Variants in BTBD6 observed in about 807,000 individuals in gnomAD.
The protein encoded by BTBD6 is BTB/POZ domain-containing protein 6.
Under a neutral mutation model 40.6 loss-of-function variants are expected in BTBD6, and 30 were observed. That is an observed-to-expected ratio of 0.74 (90% CI 0.55 to 1.00). BTBD6 has a LOEUF of 1.00. Ranked by LOEUF, BTBD6 falls within the 50% of genes least tolerant of loss-of-function variation. BTBD6 has a pLI of 0.00. For synonymous variants in BTBD6, 378 were observed against 308.7 expected (o/e 1.22, Z -2.35); for missense variants, 698 against 694.6 (o/e 1.00, Z -0.06).
At position 105,249,296 on chromosome 14, in the gene BTBD6, C is replaced by G; in HGVS notation, c.465+49C>G. 3 of 1,575,790 alleles carry G rather than the reference C, an allele frequency of 1.9e-6. No individual in the cohort carries two copies. In the African/African-American group the frequency reaches 4.0e-5, roughly 21 times the overall value. On this transcript the variant is annotated intron_variant, in intron 2 of 3. Transcript: ENST00000392554. Reference sequence around the variant, plus strand: ...GAACGCGTGCCCCGTCCGCCCCGTCCGCCGTGTGGCTGACACGCAGCCTGC... The same window carrying G: ...GAACGCGTGCCCCGTCCGCCCCGTCGGCCGTGTGGCTGACACGCAGCCTGC...
At chr14:105,249,116 G>A (rs1249006063) in intron 1 of BTBD6, 31 bp downstream of exon 1, 1 of 1,506,350 alleles carries the variant, frequency 6.6e-7, no homozygotes, top group Non-Finnish European at 8.8e-7. Context: ...CCCCGCGCCC[G>A]CGCGCGCCCA....
Position 105,248,564 on chromosome 14 carries a change from C to T in BTBD6, c.-148C>T, listed in dbSNP as rs779801718. On this transcript the variant is annotated 5_prime_UTR_variant, in exon 1 of 4. It adds an upstream start codon to the 5' untranslated region. Coordinates refer to ENST00000392554, the MANE Select transcript of BTBD6 (RefSeq NM_001387567.1). Reference sequence around the variant, plus strand: ...TGACGCACCGGCGCCGCGGCGGGTACGGGCTCGGGCGGGCGGGCGGGCGGG... The same window carrying T: ...TGACGCACCGGCGCCGCGGCGGGTATGGGCTCGGGCGGGCGGGCGGGCGGG... The T allele has an allele frequency of 2.2e-5, 5 of 226,202 alleles. No homozygotes were observed. Among genetic ancestry groups the T allele is most frequent in the Non-Finnish European group, 2.1e-5 (4 of 193,780 alleles). The allele number at this position is 226,202 out of a possible 1,614,324, so 14.0% of individuals were successfully genotyped here.
rs780704000 is a variant in BTBD6, at chr14:105,249,297, G to A, written c.465+50G>A. 1.0e-5 allele frequency: 16 copies of A among 1,576,792 alleles called. No individual in the cohort carries two copies. In the East Asian group the frequency reaches 3.7e-4, roughly 36 times the overall value. On this transcript the variant is annotated intron_variant, in intron 2 of 3. Transcript: ENST00000392554. ...AACGCGTGCCCCGTCCGCCCCGTCC[G>A]CCGTGTGGCTGACACGCAGCCTGCG... is the stretch of plus-strand genomic sequence containing the variant.
rs776540046 is a variant in BTBD6, at chr14:105,249,149, C to A, written c.375-8C>A. 3.2e-6 allele frequency: 5 copies of A among 1,567,948 alleles called. No individual in the cohort carries two copies. Among genetic ancestry groups the A allele is most frequent in the Admixed American group, 1.8e-5 (1 of 55,906 alleles). ...CCACGCCCCCAGCCCGTGCCTCTAC[C>A]TTTGCAGGAACGCGCTCATGTTCAA... On this transcript the variant is annotated splice_region_variant and splice_polypyrimidine_tract_variant and intron_variant, in intron 1 of 3. Transcript: ENST00000392554.
intron 3 of BTBD6, 28 bp from the exon 4 acceptor site, chr14:105,249,612 C>G (rs749355181): frequency 1.3e-6 from 2 of 1,591,254 alleles, no homozygotes; most frequent in Non-Finnish European, 1.7e-6. Context: ...TGGGAGCCAG[C>G]CCCTGACGCG....
Position 105,248,994 on chromosome 14 carries a change from C to A in BTBD6, c.283C>A (p.Pro95Thr), listed in dbSNP as rs895688983. The A allele has an allele frequency of 3.0e-6, 3 of 998,070 alleles. No individual in the cohort carries two copies. The highest frequency in any genetic ancestry group is 9.0e-5 in the South Asian group (2 of 22,192). 61.8% of individuals were successfully genotyped at this position (998,070 alleles called of 1,614,324 possible). ...RSPPSAPAPA[P>T]PPPAPAPPTL... ...CCCGCCCAGCGCCCCCGCGCCAGCG[C>A]CGCCGCCGCCCGCGCCCGCGCCGCC... Residue 95 changes from proline to threonine, a missense_variant, in exon 1 of 4, where the codon CCG (proline) becomes ACG (threonine). Pro to Thr is a conservative substitution (Grantham distance 38). Transcript: ENST00000392554.
chr14:105,248,847 G>A lies in BTBD6; in HGVS notation c.136G>A (p.Ala46Thr), dbSNP rs1595379346. The change falls in exon 1 of 4, where the codon GCC becomes ACC. Residue 46 changes from alanine (A) to threonine (T), a missense_variant. Transcript: ENST00000392554. ...RGAASTGAEAAPAAPPAKMAA... is the reference protein window; with the variant it reads ...RGAASTGAEATPAAPPAKMAA... ...CGCGGCGTCCACAGGCGCCGAGGCT[G>A]CCCCCGCCGCCCCGCCCGCGAAGAT... 1.0e-6 allele frequency: 1 copy of A among 990,406 alleles called. No individual in the cohort carries two copies. The highest frequency in any genetic ancestry group is 1.2e-6 in the Non-Finnish European group (1 of 834,548). 61.4% of individuals were successfully genotyped at this position (990,406 alleles called of 1,614,324 possible).
chr14:105,248,604 G>GC lies in BTBD6; in HGVS notation c.-108_-107insC. 1.0e-6 allele frequency: 1 copy of GC among 973,364 alleles called. No homozygotes were observed. The highest frequency in any genetic ancestry group is 1.2e-6 in the Non-Finnish European group (1 of 822,540). 60.3% of individuals were successfully genotyped at this position (973,364 alleles called of 1,614,324 possible). A position where few individuals can be genotyped will look rare whatever the true frequency, so the allele number is the denominator to read the frequency against. On this transcript the variant is annotated 5_prime_UTR_variant, in exon 1 of 4. Transcript: ENST00000392554. Reference sequence around the variant, plus strand: ...GGGCGGGCGGGACGGCGCCCCCCGCGGCCGGGCCTGGCCGGGCTGCGCTAG... The same window carrying GC: ...GGGCGGGCGGGACGGCGCCCCCCGCGCGCCGGGCCTGGCCGGGCTGCGCTAG...
At position 105,250,072 on chromosome 14, in the gene BTBD6, A is replaced by G; in HGVS notation, c.1017A>G (p.Pro339=). Residue 339 remains proline, a synonymous_variant, in exon 4 of 4, where the codon CCA becomes CCG. Transcript: ENST00000392554. ...LGRALYLVRI[P]TMTLEEFANG... ...GAGCCCTCTATCTGGTCCGAATTCCAACCATGACCCTAGAGGAGTTTGCCA... is the reference window on the plus strand; with the variant it reads ...GAGCCCTCTATCTGGTCCGAATTCCGACCATGACCCTAGAGGAGTTTGCCA... 6.2e-7 allele frequency: 1 copy of G among 1,613,036 alleles called. No individual in the cohort carries two copies. Among genetic ancestry groups the G allele is most frequent in the Non-Finnish European group, 8.5e-7 (1 of 1,180,042 alleles).
At position 105,249,980 on chromosome 14, in the gene BTBD6, G is replaced by T; in HGVS notation, c.925G>T (p.Ala309Ser). 1 of 1,612,548 alleles carries T rather than the reference G, an allele frequency of 6.2e-7. No homozygotes were observed. The highest frequency in any genetic ancestry group is 8.5e-7 in the Non-Finnish European group (1 of 1,180,036). Residue 309 changes from alanine (A) to serine (S), a missense_variant, in exon 4 of 4, where the codon GCC (alanine) becomes TCC (serine). Coordinates refer to ENST00000392554, the MANE Select transcript of BTBD6 (RefSeq NM_001387567.1). Reference protein sequence around the residue: ...AVVFEAVLNWAEAECKRQGLP... With the variant: ...AVVFEAVLNWSEAECKRQGLP... ...GGTCTTCGAGGCCGTCCTGAACTGG[G>T]CCGAGGCGGAGTGCAAGAGGCAGGG...
chr14:105,250,685 G>C lies in BTBD6; in HGVS notation c.*13G>C. 6.3e-7 allele frequency: 1 copy of C among 1,596,094 alleles called. No homozygotes were observed. ...TTTCTATGCCTGAGGTGCCCGGGGA[G>C]GCTGCAGCAGGTCAGCGAGTGAGTG... On this transcript the variant is annotated 3_prime_UTR_variant, in exon 4 of 4. Transcript: ENST00000392554.
rs1483167286 is a variant in BTBD6, at chr14:105,248,588, G to A, written c.-124G>A. On this transcript the variant is annotated 5_prime_UTR_variant, in exon 1 of 4. Coordinates refer to ENST00000392554, the MANE Select transcript of BTBD6 (RefSeq NM_001387567.1). ...ACGGGCTCGGGCGGGCGGGCGGGCG[G>A]GACGGCGCCCCCCGCGGCCGGGCCT... 2 of 601,760 alleles carry A rather than the reference G, an allele frequency of 3.3e-6. No homozygotes were observed. The highest frequency in any genetic ancestry group is 4.1e-6 in the Non-Finnish European group (2 of 490,972). The allele number at this position is 601,760 out of a possible 1,614,324, so 37.3% of individuals were successfully genotyped here.
At position 105,249,841 on chromosome 14, in the gene BTBD6, G is replaced by C; in HGVS notation, c.786G>C (p.Glu262Asp). The C allele has an allele frequency of 6.2e-7, 1 of 1,613,338 alleles. No individual in the cohort carries two copies. The highest frequency in any genetic ancestry group is 1.3e-5 in the African/African-American group (1 of 75,080). ...EEPELTQRCW[E>D]VIDAQAEMAL... ...CCGAGCTGACGCAGCGCTGCTGGGA[G>C]GTCATTGACGCACAGGCCGAGATGG... The change falls in exon 4 of 4, where the codon GAG becomes GAC. Residue 262 changes from glutamate to aspartate, a missense_variant. By Grantham distance (45) the Glu-to-Asp change is conservative (BLOSUM62 2). Coordinates refer to ENST00000392554, the MANE Select transcript of BTBD6 (RefSeq NM_001387567.1).
chr14:105,250,326 C>T lies in BTBD6; in HGVS notation c.1271C>T (p.Ala424Val), dbSNP rs1475518298. 3 of 1,613,480 alleles carry T rather than the reference C, an allele frequency of 1.9e-6. No individual in the cohort carries two copies. Among genetic ancestry groups the T allele is most frequent in the Non-Finnish European group, 2.5e-6 (3 of 1,180,046 alleles). The change falls in exon 4 of 4, where the codon GCA (alanine) becomes GTA (valine). Residue 424 changes from alanine (A) to valine (V), a missense_variant. By Grantham distance (64) the Ala-to-Val change is moderately conservative. Transcript: ENST00000392554. ...GCAGTGGACAGAAGGGTATTTATTG[C>T]AGGGCTGGGCCTGTATGGCTCCAGC... ...QFAVDRRVFI[A>V]GLGLYGSSSG... is the part of the protein sequence containing the mutation.
Position 105,248,596 on chromosome 14 carries a change from C to T in BTBD6, c.-116C>T, listed in dbSNP as rs932135045. On this transcript the variant is annotated 5_prime_UTR_variant, in exon 1 of 4. Coordinates refer to ENST00000392554, the MANE Select transcript of BTBD6 (RefSeq NM_001387567.1). The stretch of plus-strand genomic sequence containing the variant: ...GGGCGGGCGGGCGGGCGGGACGGCG[C>T]CCCCCGCGGCCGGGCCTGGCCGGGC... 3 of 948,286 alleles carry T rather than the reference C, an allele frequency of 3.2e-6. No homozygotes were observed. The highest frequency in any genetic ancestry group is 1.2e-4 in the East Asian group (1 of 8,490). The allele number at this position is 948,286 out of a possible 1,614,324, so 58.7% of individuals were successfully genotyped here.
Position 105,249,103 on chromosome 14 carries a change from GGCCCCCGCGCCCGCGCGCGCCCAC to G in BTBD6, c.374+25_375-24del, listed in dbSNP as rs2055392565. 2 of 1,492,924 alleles carry G rather than the reference GGCCCCCGCGCCCGCGCGCGCCCAC, an allele frequency of 1.3e-6. No homozygotes were observed. The highest frequency in any genetic ancestry group is 8.9e-7 in the Non-Finnish European group (1 of 1,129,900). The allele number at this position is 1,492,924 out of a possible 1,614,324, so 92.5% of individuals were successfully genotyped here. On this transcript the variant is annotated intron_variant, in intron 1 of 3. Transcript: ENST00000392554. ...CGCGAGAGGTGAGCCCGTGCCCCGC[GGCCCCCGCGCCCGCGCGCGCCCAC>G]GCCCCCAGCCCGTGCCTCTACCTTT... is the stretch of plus-strand genomic sequence containing the variant.
chr14:105,250,221 A>G lies in BTBD6; in HGVS notation c.1166A>G (p.Gln389Arg). 6.2e-7 allele frequency: 1 copy of G among 1,612,974 alleles called. No individual in the cohort carries two copies. Among genetic ancestry groups the G allele is most frequent in the East Asian group, 2.2e-5 (1 of 44,890 alleles). The change falls in exon 4 of 4, where the codon CAG (glutamine) becomes CGG (arginine). Residue 389 changes from glutamine to arginine, a missense_variant. Gln to Arg is a conservative substitution (Grantham distance 43). Transcript: ENST00000392554. ...ACCAAGAGGAAGGGCCTCGCCCCGC[A>G]GAGGTGCCACCGATTCCAGTCTTCT... is the stretch of plus-strand genomic sequence containing the variant. ...PLTKRKGLAP[Q>R]RCHRFQSSAY...
intron 3 of BTBD6, 61 bp from the exon 4 acceptor site, chr14:105,249,578 AG>A (rs771394642): frequency 6.3e-7 from 1 of 1,586,870 alleles, no homozygotes. Context: ...CTCCTCTCCC[AG>A]GCCCAGCCCC....
rs1386097257 is a variant in BTBD6 at position 105,249,702 on chromosome 14, C to A, written c.647C>A (p.Ala216Asp). 1 of 1,613,774 alleles carries A rather than the reference C, an allele frequency of 6.2e-7. No homozygotes were observed. The highest frequency in any genetic ancestry group is 1.3e-5 in the African/African-American group (1 of 75,076). ...ADTVLATLYA[A>D]KKYIVPALAK... ...ACGGTGCTGGCCACTCTGTACGCTG[C>A]TAAGAAGTACATCGTCCCAGCATTG... The change falls in exon 4 of 4, where the codon GCT (alanine) becomes GAT (aspartate). Residue 216 changes from alanine (A) to aspartate (D), a missense_variant. By Grantham distance (126) the Ala-to-Asp change is moderately radical (BLOSUM62 -2). Transcript: ENST00000392554.
Sources: gnomAD v4.1 joint callset for allele counts on GRCh38, gnomAD v4.1.1 for gene constraint, MANE v1.5 for transcripts, NCBI Gene and HGNC (gene_info 2026-07-23, HGNC 2026-07-21) for gene names.